Variants in POLQ observed in about 807,000 individuals in gnomAD.
POLQ encodes the protein DNA polymerase theta, also known as epididymis secretory sperm binding protein.
Under a neutral mutation model 259.2 loss-of-function variants are expected in POLQ, and 233 were observed. That is an observed-to-expected ratio of 0.90 (90% CI 0.81 to 1.00). The LOEUF (loss-of-function observed/expected upper bound fraction) is 1.00. Ranked by LOEUF, POLQ falls within the 50% of genes least tolerant of loss-of-function variation. POLQ has a pLI of 0.00. For missense variants in POLQ, 2,871 were observed against 3,051.6 expected (o/e 0.94, Z 1.39); for synonymous variants, 1,025 against 1,048.8 (o/e 0.98, Z 0.44).
rs773785474 is a variant in POLQ, at chr3:121,487,316, C to T, written c.5615G>A (p.Ser1872Asn). 6.3e-7 allele frequency: 1 copy of T among 1,578,754 alleles called. No individual in the cohort carries two copies. Among genetic ancestry groups the T allele is most frequent in the Non-Finnish European group, 8.6e-7 (1 of 1,164,620 alleles). Residue 1872 changes from serine to asparagine, a missense_variant, in exon 16 of 30, where the codon AGT becomes AAT. Ser to Asn is a conservative substitution (Grantham distance 46). Transcript: ENST00000264233. ...AAAATTCTTACCTTGCTTAAACCTA[C>T]TGCCAATAGTAGCAGTTTTAGAAGA... ...LTSSKTATIGSRFKQASSPQE... is the reference protein window; with the variant it reads ...LTSSKTATIGNRFKQASSPQE...
chr3:121,516,301 G>T (rs1271612117), intron 9 of POLQ, among the ~76,000 whole-genome samples: 3 of 152,048 alleles, frequency 2.0e-5, no homozygotes, highest in Admixed American at 2.0e-4. Flanking sequence ...TATAACACCT[G>T]ACTCTTGCAA....
Position 121,456,414 on chromosome 3 carries a change from AT to A in POLQ, c.7152+3635del, listed in dbSNP as rs1019582090. ...CAGGCAGGAGAAGGAAATAAAGGGT[AT>A]TCAATTAGGAAAAGAGGAAGTCAAA... On this transcript the variant is annotated intron_variant, in intron 25 of 29. Coordinates refer to ENST00000264233, the MANE Select transcript of POLQ (RefSeq NM_199420.4). Among the ~76,000 whole-genome samples, 264 of 152,246 alleles carry A rather than the reference AT, an allele frequency of 1.7e-3. 2 individuals carry two copies. The highest frequency in any genetic ancestry group is 6.3e-3 in the African/African-American group (260 of 41,542).
At chr3:121,495,064 G>A (rs1219628878) in intron 14 of POLQ, among the ~76,000 whole-genome samples, 1 of 151,958 alleles carries the variant, frequency 6.6e-6, no homozygotes, top group Non-Finnish European at 1.5e-5. Context: ...CTGAGGTCAG[G>A]ACTTTGAGAC....
At chr3:121,538,288 A>G (rs1026988033) in intron 4 of POLQ, among the ~76,000 whole-genome samples, 2 of 152,100 alleles carry the variant, frequency 1.3e-5, no homozygotes, top group Non-Finnish European at 2.9e-5. Flanking sequence ...GTCCTTCACT[A>G]CTTGGAGAAT....
chr3:121,438,195 TTACTC>T (rs1426271559), intron 27 of POLQ, among the ~76,000 whole-genome samples: 3 of 152,216 alleles, frequency 2.0e-5, no homozygotes, highest in Admixed American at 6.5e-5. Context: ...CTGGCTGTGT[TTACTC>T]TATTCCTAAT....
intron 3 of POLQ, 145 bp from the exon 4 acceptor site, chr3:121,539,734 G>A: frequency 1.6e-6 from 1 of 641,634 alleles, no homozygotes; most frequent in Admixed American, 3.3e-5. Flanking sequence ...AGGACACACT[G>A]GTTCTTTTTA....
intron 19 of POLQ, among the ~76,000 whole-genome samples, chr3:121,479,291 T>A (rs576320374): frequency 1.3e-5 from 2 of 150,396 alleles, no homozygotes; most frequent in Admixed American, 6.7e-5. Context: ...GCAGGAGGAC[T>A]GCTTGAGGGC....
intron 12 of POLQ, among the ~76,000 whole-genome samples, chr3:121,505,890 C>T (rs955971204): frequency 2.1e-4 from 31 of 150,776 alleles, no homozygotes; most frequent in Non-Finnish European, 1.9e-4. Flanking sequence ...GGTGTGATGG[C>T]GCATGTCTGT....
chr3:121,535,392 T>G (rs964574213), intron 5 of POLQ, among the ~76,000 whole-genome samples: 3 of 152,120 alleles, frequency 2.0e-5, no homozygotes, highest in Non-Finnish European at 4.4e-5. Flanking sequence ...GAAAAGTATT[T>G]CTAATCTTGA....
intron 22 of POLQ, among the ~76,000 whole-genome samples, chr3:121,468,756 G>A (rs910200073): frequency 9.9e-5 from 15 of 152,034 alleles, no homozygotes; most frequent in South Asian, 2.1e-4. Flanking sequence ...ACATGTTAGC[G>A]GTCATATTAA....
chr3:121,493,314 A>G (rs1463507011), intron 15 of POLQ, among the ~76,000 whole-genome samples, 164 bp downstream of exon 15: 1 of 152,144 alleles, frequency 6.6e-6, no homozygotes, highest in Admixed American at 6.5e-5. Context: ...AAAAAAAAAA[A>G]GTAATCTGCA....
chr3:121,443,640 C>T (rs1019355149), intron 26 of POLQ, among the ~76,000 whole-genome samples: 7 of 152,014 alleles, frequency 4.6e-5, no homozygotes, highest in East Asian at 1.9e-4. Flanking sequence ...TGGTTGCCTG[C>T]GCTTGTGAGT....
intron 25 of POLQ, 116 bp downstream of exon 25, chr3:121,459,934 G>T: frequency 1.3e-6 from 1 of 787,582 alleles, no homozygotes; most frequent in South Asian, 1.7e-5. Flanking sequence ...ACTGTGCTTT[G>T]AAAGATCCAA....
rs771760570 is a variant in POLQ at position 121,511,911 on chromosome 3, G to T, written c.1587C>A (p.Gly529=). The change falls in exon 10 of 30, where the codon GGC becomes GGA. Residue 529 remains glycine, a synonymous_variant. Transcript: ENST00000264233. ...LQRREGEEVT[G]SMIRAILEII... is the part of the protein sequence containing the mutation. ...CCTCCAGAATAGCTCGTATCATGCT[G>T]CCAGTTACTTCTTCTCCTTCTCGTC... 7.4e-6 allele frequency: 12 copies of T among 1,613,576 alleles called. No individual in the cohort carries two copies. Among genetic ancestry groups the T allele is most frequent in the African/African-American group, 1.3e-5 (1 of 74,916 alleles).
intron 7 of POLQ, among the ~76,000 whole-genome samples, chr3:121,527,861 TTA>T (rs1471169762): frequency 2.0e-5 from 3 of 152,220 alleles, no homozygotes; most frequent in Non-Finnish European, 4.4e-5. Flanking sequence ...AAATTACTTT[TTA>T]CTGCAATATG....
At position 121,488,766 on chromosome 3, in the gene POLQ, G is replaced by T; in HGVS notation, c.4165C>A (p.His1389Asn). Reference protein sequence around the residue: ...QHPLGATKIDHLDLKTVGTMK... With the variant: ...QHPLGATKIDNLDLKTVGTMK... ...GTACCTACAGTCTTAAGGTCCAAAT[G>T]ATCTATCTTAGTCGCTCCTAGAGGG... Residue 1389 changes from histidine (H) to asparagine (N), a missense_variant, in exon 16 of 30, where the codon CAT becomes AAT. Physicochemically the swap from His to Asn is moderately conservative, Grantham distance 68. This residue lies in a region of POLQ where 2,080 missense variants were observed against 2,126.0 expected (regional missense o/e 0.98). Coordinates refer to ENST00000264233, the MANE Select transcript of POLQ (RefSeq NM_199420.4). 1 of 1,613,940 alleles carries T rather than the reference G, an allele frequency of 6.2e-7. No individual in the cohort carries two copies. Among genetic ancestry groups the T allele is most frequent in the South Asian group, 1.1e-5 (1 of 91,022 alleles).
At position 121,541,545 on chromosome 3, in the gene POLQ, T is replaced by C. The variant is rs1018304222; in HGVS notation, c.344-66A>G. On this transcript the variant is annotated intron_variant, in intron 2 of 29. Coordinates refer to ENST00000264233, the MANE Select transcript of POLQ (RefSeq NM_199420.4). Reference sequence around the variant, plus strand: ...ATATTCGGTACAATTCATTAATAAATGTTTTAAGCCATGTGTAGTACTACA... The same window carrying C: ...ATATTCGGTACAATTCATTAATAAACGTTTTAAGCCATGTGTAGTACTACA... 41 of 1,432,152 alleles carry C rather than the reference T, an allele frequency of 2.9e-5. No homozygotes were observed. In the African/African-American group the frequency reaches 5.6e-4, roughly 19 times the overall value. The allele number at this position is 1,432,152 out of a possible 1,614,324, so 88.7% of individuals were successfully genotyped here.
chr3:121,518,922 G>A (rs2048317572), intron 9 of POLQ, among the ~76,000 whole-genome samples: 1 of 152,054 alleles, frequency 6.6e-6, no homozygotes, highest in Admixed American at 6.6e-5. Context: ...GATACAGCAC[G>A]TTAGAAATAA....
intron 22 of POLQ, among the ~76,000 whole-genome samples, chr3:121,471,606 G>A (rs1168234365): frequency 1.3e-5 from 2 of 152,078 alleles, no homozygotes; most frequent in African/African-American, 4.8e-5. Context: ...GCCAGATGTG[G>A]TGGTATGCGC....
Sources: allele counts gnomAD v4.1 joint callset (sites outside exome capture counted in the v4.1 genomes callset), GRCh38; gene constraint gnomAD v4.1.1; regional missense constraint gnomAD v4.1.1; transcripts MANE v1.5; gene names NCBI Gene and HGNC (gene_info 2026-07-23, HGNC 2026-07-21).